Variants in NME7 observed in about 807,000 individuals in gnomAD.
NME7 encodes NME/NM23 family member 7, also known as nucleoside diphosphate kinase 7.
A neutral mutation model predicts 49.1 loss-of-function variants in NME7; 41 were observed. The ratio of observed to expected loss-of-function variants is 0.83; its 90% confidence interval spans 0.65 to 1.08. The LOEUF (loss-of-function observed/expected upper bound fraction) is 1.08, where lower values mean the gene tolerates loss of function less well. Ranked by LOEUF, NME7 falls within the 50% of genes least tolerant of loss-of-function variation. NME7 has a pLI of 0.00. For missense variants in NME7, 423 were observed against 463.4 expected, an observed-to-expected ratio of 0.91 and a Z score of 0.80; for synonymous variants, 139 against 150.6, an observed-to-expected ratio of 0.92 and a Z score of 0.56.
intron 10 of NME7, among the ~76,000 whole-genome samples, chr1:169,208,647 T>G (rs933483715): frequency 6.6e-6 from 1 of 152,098 alleles, no homozygotes; most frequent in African/African-American, 2.4e-5. Flanking sequence ...AAGTAGAGAT[T>G]ATAGTGTTAA....
At chr1:169,162,363 A>G (rs1441664608) in intron 11 of NME7, among the ~76,000 whole-genome samples, 1 of 152,048 alleles carries the variant, frequency 6.6e-6, no homozygotes, top group Non-Finnish European at 1.5e-5. Context: ...TTTTATAATC[A>G]CAAAAGTGGT....
At chr1:169,162,260 G>A (rs1659271772) in intron 11 of NME7, among the ~76,000 whole-genome samples, 1 of 152,076 alleles carries the variant, frequency 6.6e-6, no homozygotes, top group Non-Finnish European at 1.5e-5. Flanking sequence ...CCACAGTCTT[G>A]GTGAACTGAT....
chr1:169,205,262 C>T (rs539431792), intron 10 of NME7, among the ~76,000 whole-genome samples: 80 of 152,144 alleles, frequency 5.3e-4, no homozygotes, highest in African/African-American at 1.9e-3. Context: ...GTAATTTGAG[C>T]TTTAGCACCA....
intron 1 of NME7, among the ~76,000 whole-genome samples, chr1:169,361,757 G>T (rs1044528326): frequency 1.3e-5 from 2 of 151,744 alleles, no homozygotes; most frequent in Admixed American, 6.6e-5. Context: ...TCCACAGCCG[G>T]GTCGACAGAA....
At chr1:169,180,229 A>G (rs1659885751) in intron 10 of NME7, among the ~76,000 whole-genome samples, 1 of 152,228 alleles carries the variant, frequency 6.6e-6, no homozygotes, top group African/African-American at 2.4e-5. Flanking sequence ...GCCAAACTGG[A>G]GGCATTTAGT....
chr1:169,351,402 T>C (rs1653165643), intron 1 of NME7, among the ~76,000 whole-genome samples: 1 of 151,920 alleles, frequency 6.6e-6, no homozygotes, highest in Non-Finnish European at 1.5e-5. Context: ...TATGGAATGC[T>C]ACTAGCTAGG....
intron 11 of NME7, among the ~76,000 whole-genome samples, chr1:169,158,376 ATTTTT>A (rs1249450496): frequency 3.3e-5 from 5 of 152,172 alleles, no homozygotes; most frequent in Non-Finnish European, 7.4e-5. Context: ...AAAACTTTTT[ATTTTT>A]TAATTTTTGC....
chr1:169,224,287 C>T (rs1399985125), intron 10 of NME7, among the ~76,000 whole-genome samples: 1 of 152,182 alleles, frequency 6.6e-6, no homozygotes, highest in Non-Finnish European at 1.5e-5. Flanking sequence ...TCCCCAGGAT[C>T]ACAGGCCCTC....
intron 7 of NME7, among the ~76,000 whole-genome samples, chr1:169,252,710 C>G (rs1172753675): frequency 6.6e-6 from 1 of 150,870 alleles, no homozygotes; most frequent in African/African-American, 2.4e-5. Flanking sequence ...ACGTTTAAGT[C>G]TTTAATCCAT....
intron 11 of NME7, among the ~76,000 whole-genome samples, chr1:169,144,795 G>A (rs1658702936): frequency 6.6e-6 from 1 of 152,128 alleles, no homozygotes; most frequent in Non-Finnish European, 1.5e-5. Context: ...GGAAGCTGAA[G>A]CAGGAGGATT....
chr1:169,219,745 T>C (rs1661085094), intron 10 of NME7, among the ~76,000 whole-genome samples: 1 of 152,180 alleles, frequency 6.6e-6, no homozygotes, highest in African/African-American at 2.4e-5. Context: ...CCCAGTATAC[T>C]GAGAGCTTCT....
chr1:169,138,918 T>C (rs1294822223), intron 11 of NME7, among the ~76,000 whole-genome samples: 5 of 152,326 alleles, frequency 3.3e-5, no homozygotes, highest in African/African-American at 1.2e-4. Flanking sequence ...AACTAAAGGC[T>C]ACAACTTTCC....
intron 1 of NME7, among the ~76,000 whole-genome samples, chr1:169,360,339 T>C (rs1231082064): frequency 6.6e-6 from 1 of 152,124 alleles, no homozygotes; most frequent in Non-Finnish European, 1.5e-5. Flanking sequence ...TATAAGATCA[T>C]AAATTTTACA....
rs1349338346 is a variant in NME7, at chr1:169,191,032, T to TA, written c.991-21479_991-21478insT. ...TTTCACCGTTTTAGCCGGGATGGTC[T>TA]CGATCTCCTGACCTCGTGATCCACC... On this transcript the variant is annotated intron_variant, in intron 10 of 11. Coordinates refer to ENST00000367811, the MANE Select transcript of NME7 (RefSeq NM_013330.5). Among the ~76,000 whole-genome samples the TA allele has an allele frequency of 1.2e-4, 8 of 67,684 alleles. 3 individuals carry two copies. Among genetic ancestry groups the TA allele is most frequent in the Non-Finnish European group, 2.2e-4 (6 of 27,810 alleles). The allele number at this position is 67,684 out of a possible 152,430, so 44.4% of individuals were successfully genotyped here.
At chr1:169,164,035 G>A (rs146012639) in intron 11 of NME7, among the ~76,000 whole-genome samples, 12,742 of 151,416 alleles carry the variant, frequency 0.084, 707 homozygotes, top group Admixed American at 0.19. Flanking sequence ...GCTTGAACCC[G>A]GGAAGCAGAG....
At chr1:169,184,101 G>T (rs1455937761) in intron 10 of NME7, among the ~76,000 whole-genome samples, 1 of 150,760 alleles carries the variant, frequency 6.6e-6, no homozygotes, top group East Asian at 1.9e-4. Context: ...TAATAGAATT[G>T]TAAACTGTGA....
intron 3 of NME7, among the ~76,000 whole-genome samples, chr1:169,321,993 G>A (rs1302073384): frequency 6.6e-6 from 1 of 151,930 alleles, no homozygotes; most frequent in Non-Finnish European, 1.5e-5. Flanking sequence ...TTAAAGCCAA[G>A]AAAGATGACA....
chr1:169,334,873 AAAAC>A (rs777525171), intron 1 of NME7, among the ~76,000 whole-genome samples: 3 of 152,296 alleles, frequency 2.0e-5, no homozygotes, highest in South Asian at 2.1e-4. Context: ...TTATAAGAAA[AAAAC>A]AAACAACCCC....
At chr1:169,152,356 G>A (rs1658937285) in intron 11 of NME7, among the ~76,000 whole-genome samples, 1 of 152,172 alleles carries the variant, frequency 6.6e-6, no homozygotes, top group African/African-American at 2.4e-5. Flanking sequence ...CCATAAAGAT[G>A]AGGCAATTCA....
Sources: gnomAD v4.1 joint callset for allele counts (sites outside exome capture counted in the v4.1 genomes callset) on GRCh38, gnomAD v4.1.1 for gene constraint, MANE v1.5 for transcripts, NCBI Gene and HGNC (gene_info 2026-07-23, HGNC 2026-07-21) for gene names.